The following CNTNAP4 variants were observed in gnomAD, a reference collection of about 807,000 sequenced individuals.
The protein encoded by CNTNAP4 is contactin-associated protein-like 4.
A neutral mutation model predicts 148.4 loss-of-function variants in CNTNAP4; 98 were observed. That is an observed-to-expected ratio of 0.66 (90% CI 0.56 to 0.78). CNTNAP4 has a LOEUF of 0.78. Ranked by LOEUF, CNTNAP4 falls within the 30% of genes least tolerant of loss-of-function variation. CNTNAP4 has a pLI of 0.00. For synonymous variants in CNTNAP4, 730 were observed against 565.1 expected (o/e 1.29, Z -4.14); for missense variants, 1,935 against 1,565.6 (o/e 1.24, Z -3.98).
intron 1 of CNTNAP4, among the ~76,000 whole-genome samples, chr16:76,312,610 C>A (rs1484395083): frequency 6.6e-6 from 1 of 152,236 alleles, no homozygotes; most frequent in African/African-American, 2.4e-5. Context: ...AACTGGAGTA[C>A]ACACTCCTTG....
intron 13 of CNTNAP4, 58 bp from the exon 14 acceptor site, chr16:76,494,852 G>C: frequency 6.7e-7 from 1 of 1,492,878 alleles, no homozygotes; most frequent in East Asian, 2.3e-5. Flanking sequence ...GAATTATATT[G>C]GGAGAGAAGG....
At chr16:76,532,848 A>C (rs1286909837) in intron 17 of CNTNAP4, among the ~76,000 whole-genome samples, 4 of 152,170 alleles carry the variant, frequency 2.6e-5, no homozygotes, top group Admixed American at 6.6e-5. Context: ...GGAGGTGTGA[A>C]GATAAAGAAG....
intron 21 of CNTNAP4, among the ~76,000 whole-genome samples, chr16:76,541,716 GC>G (rs2084463995): frequency 6.6e-6 from 1 of 152,148 alleles, no homozygotes; most frequent in Non-Finnish European, 1.5e-5. Flanking sequence ...CAAAATATTG[GC>G]CCCTGAGGTT....
chr16:76,312,776 A>G (rs1238656703), intron 1 of CNTNAP4, among the ~76,000 whole-genome samples: 1 of 152,204 alleles, frequency 6.6e-6, no homozygotes, highest in Non-Finnish European at 1.5e-5. Context: ...GAGCAAATTA[A>G]TCGAACTGTG....
intron 3 of CNTNAP4, among the ~76,000 whole-genome samples, chr16:76,363,168 T>G (rs1218602880): frequency 1.3e-5 from 2 of 151,688 alleles, no homozygotes; most frequent in African/African-American, 4.8e-5. Context: ...ATCTTTTTTT[T>G]TTTTTTTTGG....
intron 3 of CNTNAP4, among the ~76,000 whole-genome samples, chr16:76,390,402 G>C (rs910502496): frequency 6.6e-6 from 1 of 151,914 alleles, no homozygotes; most frequent in African/African-American, 2.4e-5. Context: ...AGAAGATTGG[G>C]GTCTGGACTA....
At chr16:76,483,725 A>G (rs2081924946) in intron 12 of CNTNAP4, among the ~76,000 whole-genome samples, 1 of 152,218 alleles carries the variant, frequency 6.6e-6, no homozygotes, top group African/African-American at 2.4e-5. Context: ...TGTTCATAGT[A>G]TGAGAGCTGA....
In CNTNAP4 at chr16:76,405,889, A is replaced by G. The variant is rs986781815; in HGVS notation, c.391-21563A>G. On this transcript the variant is annotated intron_variant, in intron 3 of 23. Coordinates refer to ENST00000611870, the MANE Select transcript of CNTNAP4 (RefSeq NM_033401.5). ...TTATGAAACATAATCAATCTCAATT[A>G]CTAAATGAAATACGTTTTTGTGCTG... Among the ~76,000 whole-genome samples, 5 of 152,110 alleles carry G rather than the reference A, an allele frequency of 3.3e-5. 1 individual carries two copies. The highest frequency in any genetic ancestry group is 1.2e-4 in the African/African-American group (5 of 41,434).
At chr16:76,522,687 C>CTTTCTTTTCTCTTTTCTTTTCT (rs2083523117) in intron 17 of CNTNAP4, among the ~76,000 whole-genome samples, 4 of 30,122 alleles carry the variant, frequency 1.3e-4, no homozygotes, top group Non-Finnish European at 2.6e-4. Flanking sequence ...TCTTTCTCTC[C>CTTTCTTTTCTCTTTTCTTTTCT]TTTCTTTTCT....
chr16:76,351,982 T>C (rs975195929), intron 2 of CNTNAP4, among the ~76,000 whole-genome samples: 6 of 152,194 alleles, frequency 3.9e-5, no homozygotes, highest in African/African-American at 1.2e-4. Context: ...ATTCCAGCTT[T>C]AGACCATTAC....
chr16:76,370,562 A>C (rs1432112504), intron 3 of CNTNAP4, among the ~76,000 whole-genome samples: 3 of 152,156 alleles, frequency 2.0e-5, no homozygotes, highest in Non-Finnish European at 2.9e-5. Flanking sequence ...GAAGCTCCTT[A>C]ATACAGGAGC....
chr16:76,288,579 G>A (rs1958983614), intron 1 of CNTNAP4, among the ~76,000 whole-genome samples: 1 of 152,136 alleles, frequency 6.6e-6, no homozygotes, highest in African/African-American at 2.4e-5. Flanking sequence ...AAATTTCATA[G>A]CACTTCAAAT....
intron 4 of CNTNAP4, among the ~76,000 whole-genome samples, chr16:76,445,999 T>C (rs1421844876): frequency 6.6e-6 from 1 of 152,152 alleles, no homozygotes; most frequent in African/African-American, 2.4e-5. Flanking sequence ...GAAGGATTGT[T>C]AGGCTAACAT....
chr16:76,341,655 A>G (rs1357517457), intron 2 of CNTNAP4, among the ~76,000 whole-genome samples: 6 of 152,144 alleles, frequency 3.9e-5, no homozygotes, highest in Non-Finnish European at 7.4e-5. Context: ...CCATGAATAG[A>G]TATATGGGAG....
intron 2 of CNTNAP4, among the ~76,000 whole-genome samples, chr16:76,317,278 C>CA (rs11355823): frequency 1.6e-3 from 190 of 117,740 alleles, no homozygotes; most frequent in South Asian, 6.2e-3. Flanking sequence ...AAAAAAAAAC[C>CA]AAAAAAAAAA....
At chr16:76,285,141 A>C (rs1284745482) in intron 1 of CNTNAP4, among the ~76,000 whole-genome samples, 1 of 151,978 alleles carries the variant, frequency 6.6e-6, no homozygotes, top group Non-Finnish European at 1.5e-5. Context: ...TTGGAAGAGG[A>C]AGTGGATATG....
At chr16:76,385,534 C>G (rs527552519) in intron 3 of CNTNAP4, among the ~76,000 whole-genome samples, 152 of 144,292 alleles carry the variant, frequency 1.1e-3, no homozygotes, top group African/African-American at 3.8e-3. Flanking sequence ...CAAAAATTAA[C>G]ACTTTAATTA....
chr16:76,406,323 C>T (rs1339269873), intron 3 of CNTNAP4, among the ~76,000 whole-genome samples: 1 of 152,078 alleles, frequency 6.6e-6, no homozygotes, highest in African/African-American at 2.4e-5. Context: ...TGTGTTCTGA[C>T]TCCTCCACCA....
At chr16:76,543,574 G>A (rs1478719340) in intron 21 of CNTNAP4, among the ~76,000 whole-genome samples, 1 of 152,218 alleles carries the variant, frequency 6.6e-6, no homozygotes, top group Non-Finnish European at 1.5e-5. Context: ...CTACAGGGAT[G>A]GAGAAAGAGA....
Sources: gnomAD v4.1 joint callset for allele counts (sites outside exome capture counted in the v4.1 genomes callset) on GRCh38, gnomAD v4.1.1 for gene constraint, MANE v1.5 for transcripts, NCBI Gene and HGNC (gene_info 2026-07-23, HGNC 2026-07-21) for gene names.